The following SPAG16 variants were observed in gnomAD, a reference collection of about 807,000 sequenced individuals.
SPAG16 encodes sperm-associated antigen 16 protein.
SPAG16 carries 86 observed loss-of-function variants against 80.4 expected under a neutral mutation model. The observed-to-expected ratio is 1.07, with a 90% CI of 0.90 to 1.28. The LOEUF (loss-of-function observed/expected upper bound fraction) is 1.28, where lower values mean the gene tolerates loss of function less well. Among genes scored for constraint, SPAG16 ranks in the 50% most tolerant of loss-of-function variants. The probability of loss-of-function intolerance (pLI) is 0.00; values close to 1 mark genes in which losing one functional copy is unlikely to be tolerated. For missense variants in SPAG16, 870 were observed against 765.3 expected (o/e 1.14, Z -1.61); for synonymous variants, 294 against 265.9 (o/e 1.11, Z -1.03).
At chr2:214,096,279 CA>C (rs3043745) in intron 13 of SPAG16, among the ~76,000 whole-genome samples, 23,579 of 147,152 alleles carry the variant, frequency 0.16, 1,993 homozygotes, top group African/African-American at 0.2. Flanking sequence ...TTTTTTAATG[CA>C]AAAAAAAAAT....
At chr2:213,461,213 A>G (rs907793318) in intron 9 of SPAG16, among the ~76,000 whole-genome samples, 3 of 152,206 alleles carry the variant, frequency 2.0e-5, no homozygotes, top group Non-Finnish European at 4.4e-5. Flanking sequence ...CACAATTGCA[A>G]TGTTCTGTAA....
intron 10 of SPAG16, among the ~76,000 whole-genome samples, chr2:213,608,331 C>A (rs552943947): frequency 3.3e-5 from 5 of 152,110 alleles, no homozygotes; most frequent in Non-Finnish European, 4.4e-5. Flanking sequence ...CTCCTCCCCC[C>A]ACCCCACAAC....
At chr2:214,338,047 A>G (rs1697418999) in intron 15 of SPAG16, among the ~76,000 whole-genome samples, 1 of 152,186 alleles carries the variant, frequency 6.6e-6, no homozygotes, top group Non-Finnish European at 1.5e-5. Flanking sequence ...TGAAGATATT[A>G]TCCACTTTAA....
At chr2:214,279,103 C>CTT (rs35554459) in intron 15 of SPAG16, among the ~76,000 whole-genome samples, 15 of 128,236 alleles carry the variant, frequency 1.2e-4, no homozygotes, top group South Asian at 2.5e-4. Context: ...ATGAAACAAG[C>CTT]TTTTTTTTTT....
intron 10 of SPAG16, among the ~76,000 whole-genome samples, chr2:213,498,351 A>G (rs1463006790): frequency 6.6e-6 from 1 of 152,160 alleles, no homozygotes; most frequent in Non-Finnish European, 1.5e-5. Context: ...GGTTGTAAAC[A>G]TCAGTGCCTG....
At chr2:214,118,586 G>A (rs1476456896) in intron 14 of SPAG16, among the ~76,000 whole-genome samples, 1 of 152,052 alleles carries the variant, frequency 6.6e-6, no homozygotes, top group Admixed American at 6.6e-5. Flanking sequence ...TGAGCAAAAG[G>A]GGGAAAAGCC....
At chr2:213,715,222 G>GTCTGTCTATCTATCTATCTA (rs547716333) in intron 10 of SPAG16, among the ~76,000 whole-genome samples, 112 of 110,576 alleles carry the variant, frequency 1.0e-3, no homozygotes, top group African/African-American at 2.2e-3. Flanking sequence ...AGATCTATCT[G>GTCTGTCTATCTATCTATCTA]TCTATCTATC....
chr2:213,474,864 C>G (rs1023574023), intron 9 of SPAG16, among the ~76,000 whole-genome samples: 36 of 152,134 alleles, frequency 2.4e-4, no homozygotes, highest in Admixed American at 2.0e-4. Flanking sequence ...CCCACTGACT[C>G]AAATGTTAAT....
At chr2:213,424,590 AT>A (rs2069792272) in intron 9 of SPAG16, among the ~76,000 whole-genome samples, 1 of 152,196 alleles carries the variant, frequency 6.6e-6, no homozygotes, top group African/African-American at 2.4e-5. Flanking sequence ...TTAATAACCC[AT>A]CTTTAACTTT....
rs556972275 is a variant in SPAG16, at chr2:213,966,048, T to G, written c.1400+35903T>G. ...ATGGAGAAAGGAAGCCTGAGATCTG[T>G]TAGCATTAGAATAGAGTTTCTGCAA... On this transcript the variant is annotated intron_variant, in intron 12 of 15. Transcript: ENST00000331683. 5.3e-5 allele frequency among the ~76,000 whole-genome samples: 8 copies of G among 152,318 alleles called. No homozygotes were observed. In the South Asian group the frequency reaches 1.5e-3, roughly 28 times the overall value.
At chr2:214,241,491 A>T (rs909412634) in intron 15 of SPAG16, 1 of 152,166 alleles carries the variant, frequency 6.6e-6, no homozygotes, top group African/African-American at 2.4e-5. Context: ...TTTTCCCAGC[A>T]TCTTTTGTGT....
chr2:214,038,223 C>A (rs936177681), intron 13 of SPAG16, among the ~76,000 whole-genome samples: 2 of 152,012 alleles, frequency 1.3e-5, no homozygotes, highest in Non-Finnish European at 2.9e-5. Context: ...TTCTAGCAGT[C>A]AATTTTTAAT....
intron 10 of SPAG16, among the ~76,000 whole-genome samples, chr2:213,560,542 T>C (rs1284865898): frequency 2.6e-5 from 4 of 152,144 alleles, no homozygotes; most frequent in Non-Finnish European, 4.4e-5. Flanking sequence ...GAAAAATGAA[T>C]AATGAAAGAT....
chr2:214,360,330 T>C (rs1699104026), intron 15 of SPAG16, among the ~76,000 whole-genome samples: 1 of 151,866 alleles, frequency 6.6e-6, no homozygotes, highest in Admixed American at 6.6e-5. Flanking sequence ...TCTCTTTAAC[T>C]CTTAAATAGC....
intron 13 of SPAG16, among the ~76,000 whole-genome samples, chr2:214,079,972 C>A (rs964055516): frequency 1.3e-5 from 2 of 152,176 alleles, no homozygotes; most frequent in African/African-American, 4.8e-5. Context: ...GATTTGATAT[C>A]TACTTTTTAT....
At chr2:214,286,776 AAAAT>A (rs1429535081) in intron 15 of SPAG16, among the ~76,000 whole-genome samples, 2 of 152,142 alleles carry the variant, frequency 1.3e-5, no homozygotes, top group Admixed American at 1.3e-4. Flanking sequence ...AATAAAATAA[AAAAT>A]AACAGTGATA....
At position 214,410,227 on chromosome 2, in the gene SPAG16, A is replaced by C; in HGVS notation, c.1808A>C (p.Glu603Ala). ...GAGATTCACAAATTGATGGGCCACGAAAACGAGGCACACACGGTTGTGTTT... is the reference window on the plus strand; with the variant it reads ...GAGATTCACAAATTGATGGGCCACGCAAACGAGGCACACACGGTTGTGTTT... ...SGEIHKLMGH[E>A]NEAHTVVFSH... is the part of the protein sequence containing the mutation. Residue 603 changes from glutamate to alanine, a missense_variant, in exon 16 of 16, where the codon GAA becomes GCA. Physicochemically the swap from Glu to Ala is moderately radical, Grantham distance 107. Transcript: ENST00000331683. The C allele has an allele frequency of 6.2e-7, 1 of 1,613,654 alleles. No homozygotes were observed. Among genetic ancestry groups the C allele is most frequent in the Non-Finnish European group, 8.5e-7 (1 of 1,179,566 alleles).
intron 6 of SPAG16, among the ~76,000 whole-genome samples, chr2:213,347,487 A>G (rs1451566763): frequency 4.6e-5 from 7 of 152,110 alleles, no homozygotes; most frequent in Admixed American, 6.6e-5. Context: ...TAGGGTGTCA[A>G]TTTTAGATCT....
Position 213,607,513 on chromosome 2 carries a change from T to G in SPAG16, c.1070+117423T>G, listed in dbSNP as rs1028010663. ...GTAAGAACATTTTAAAATTTTCTCATGCACTGTTTAATTTAATGATTTACT... is the reference window on the plus strand; with the variant it reads ...GTAAGAACATTTTAAAATTTTCTCAGGCACTGTTTAATTTAATGATTTACT... On this transcript the variant is annotated intron_variant, in intron 10 of 15. Transcript: ENST00000331683. Among the ~76,000 whole-genome samples, 4 of 152,240 alleles carry G rather than the reference T, an allele frequency of 2.6e-5. No homozygotes were observed. In the East Asian group the frequency reaches 7.7e-4, roughly 29 times the overall value.
Sources: allele counts gnomAD v4.1 joint callset (sites outside exome capture counted in the v4.1 genomes callset), GRCh38; gene constraint gnomAD v4.1.1; transcripts MANE v1.5; gene names NCBI Gene and HGNC (gene_info 2026-07-23, HGNC 2026-07-21).